Variants in DLG2 observed in about 807,000 individuals in gnomAD.
The protein encoded by DLG2 is disks large homolog 2.
A neutral mutation model predicts 132.5 loss-of-function variants in DLG2; 45 were observed. The ratio of observed to expected loss-of-function variants is 0.34; its 90% confidence interval spans 0.27 to 0.44. DLG2 has a LOEUF of 0.44. Among genes scored for constraint, DLG2 ranks in the 20% least tolerant of loss-of-function variants. DLG2 has a pLI of 1.00. For synonymous variants in DLG2, 424 were observed against 419.6 expected (o/e 1.01, Z -0.13); for missense variants, 1,045 against 1,196.9 (o/e 0.87, Z 1.87).
intron 9 of DLG2, among the ~76,000 whole-genome samples, chr11:84,117,742 T>C (rs2093703134): frequency 6.6e-6 from 1 of 152,236 alleles, no homozygotes. Context: ...TGGGCACCTC[T>C]AACCATGGCT....
intron 11 of DLG2, among the ~76,000 whole-genome samples, chr11:84,056,450 G>A (rs906127022): frequency 6.6e-6 from 1 of 152,058 alleles, no homozygotes; most frequent in South Asian, 2.1e-4. Flanking sequence ...CTCCATTATA[G>A]AGCTGAGTTC....
chr11:85,365,872 G>A (rs935594902), intron 3 of DLG2, among the ~76,000 whole-genome samples: 3 of 152,154 alleles, frequency 2.0e-5, no homozygotes, highest in Admixed American at 2.0e-4. Context: ...TCATAAGTGG[G>A]AGTTGAACAA....
chr11:84,435,947 T>C (rs77118442), intron 7 of DLG2, among the ~76,000 whole-genome samples: 1,820 of 152,198 alleles, frequency 0.012, 33 homozygotes, highest in African/African-American at 0.041. Context: ...CTCTCATCCA[T>C]ACAACTTATA....
chr11:84,751,072 A>C (rs2066049813), intron 6 of DLG2, among the ~76,000 whole-genome samples: 1 of 152,130 alleles, frequency 6.6e-6, no homozygotes, highest in Non-Finnish European at 1.5e-5. Context: ...GAAAAAGAAG[A>C]CAGGTAGCTG....
Position 83,793,392 on chromosome 11 carries a change from C to G in DLG2, c.1723-6600G>C, listed in dbSNP as rs185415229. On this transcript the variant is annotated intron_variant, in intron 17 of 27. Transcript: ENST00000376104. ...ACAAATTACCCATGTTTTCCTGTAGCAAACTATAGTTTAATCTTTAGCCAT... is the reference window on the plus strand; with the variant it reads ...ACAAATTACCCATGTTTTCCTGTAGGAAACTATAGTTTAATCTTTAGCCAT... Among the ~76,000 whole-genome samples, 269 of 152,246 alleles carry G rather than the reference C, an allele frequency of 1.8e-3. 1 individual carries two copies. The highest frequency in any genetic ancestry group is 3.4e-3 in the Non-Finnish European group (229 of 68,000).
At chr11:84,545,152 T>C (rs2099387109) in intron 6 of DLG2, 1 of 450,452 alleles carries the variant, frequency 2.2e-6, no homozygotes, top group South Asian at 1.7e-5. Context: ...GCCACTGCCA[T>C]GGCTAATGCT....
chr11:83,632,089 C>A (rs2063662358), intron 19 of DLG2: 1 of 152,078 alleles, frequency 6.6e-6, no homozygotes, highest in South Asian at 2.1e-4. Flanking sequence ...TCAGGGCTTC[C>A]CTGGAATAAG....
At chr11:85,032,737 A>G (rs915360443) in intron 6 of DLG2, among the ~76,000 whole-genome samples, 3 of 152,224 alleles carry the variant, frequency 2.0e-5, no homozygotes, top group Non-Finnish European at 2.9e-5. Flanking sequence ...TGTTTAGAGA[A>G]AACAAAGAAA....
intron 7 of DLG2, among the ~76,000 whole-genome samples, chr11:84,299,238 G>T (rs191986220): frequency 1.4e-3 from 220 of 152,244 alleles, no homozygotes; most frequent in Non-Finnish European, 2.7e-3. Flanking sequence ...TTCTTTAAAT[G>T]ATTTGAAGTT....
rs556036960 is a variant in DLG2, at chr11:84,342,055, C to CT, written c.520-90765dup. Among the ~76,000 whole-genome samples the CT allele has an allele frequency of 1.9e-3, 282 of 147,552 alleles. 1 individual carries two copies. Among genetic ancestry groups the CT allele is most frequent in the African/African-American group, 3.0e-3 (123 of 40,416 alleles). On this transcript the variant is annotated intron_variant, in intron 7 of 27. Coordinates refer to ENST00000376104, the MANE Select transcript of DLG2 (RefSeq NM_001142699.3). ...ATACAATGTCCTAACCTGGACTTTTCTTTTTTTTTTTAATTTTATTTAGGG... is the reference window on the plus strand; with the variant it reads ...ATACAATGTCCTAACCTGGACTTTTCTTTTTTTTTTTTAATTTTATTTAGGG...
At chr11:84,180,198 G>A (rs181783430) in intron 8 of DLG2, among the ~76,000 whole-genome samples, 39 of 152,140 alleles carry the variant, frequency 2.6e-4, no homozygotes, top group African/African-American at 8.9e-4. Context: ...TTCTAGGAAG[G>A]AATAAAAATG....
In DLG2 at chr11:83,842,527, A is replaced by C. The variant is rs77158650; in HGVS notation, c.1566-8757T>G. On this transcript the variant is annotated intron_variant, in intron 16 of 27. Transcript: ENST00000376104. ...GAGAATCGCTTGAACCTGTCTCAAA[A>C]AAAAAAAAAAAAAAAAAAAGGCCGG... is the stretch of plus-strand genomic sequence containing the variant. Among the ~76,000 whole-genome samples, 1,064 of 127,058 alleles carry C rather than the reference A, an allele frequency of 8.4e-3. 13 individuals carry two copies. Among genetic ancestry groups the C allele is most frequent in the African/African-American group, 0.028 (986 of 35,708 alleles). The allele number at this position is 127,058 out of a possible 152,430, so 83.4% of individuals were successfully genotyped here.
intron 22 of DLG2, among the ~76,000 whole-genome samples, chr11:83,479,321 T>C (rs868576306): frequency 3.3e-4 from 50 of 152,140 alleles, no homozygotes; most frequent in African/African-American, 1.2e-3. Flanking sequence ...GTTGTACCAC[T>C]GTTTGGCCTT....
chr11:84,263,516 C>T (rs2097573645), intron 7 of DLG2, among the ~76,000 whole-genome samples: 2 of 151,922 alleles, frequency 1.3e-5, no homozygotes, highest in South Asian at 4.1e-4. Flanking sequence ...ATTTTCTGGC[C>T]TAAGAACTAT....
chr11:85,453,410 T>G (rs1480793175), intron 3 of DLG2: 1 of 175,296 alleles, frequency 5.7e-6, no homozygotes, highest in East Asian at 1.4e-4. Flanking sequence ...ATTCCAGGAT[T>G]GGAATACTGA....
chr11:84,326,082 A>G (rs534416110), intron 7 of DLG2, among the ~76,000 whole-genome samples: 2 of 152,150 alleles, frequency 1.3e-5, no homozygotes, highest in South Asian at 4.1e-4. Flanking sequence ...ACCAGTAGTA[A>G]CATAACTTCT....
At chr11:83,765,463 G>C (rs17146036) in intron 18 of DLG2, among the ~76,000 whole-genome samples, 43,228 of 152,084 alleles carry the variant, frequency 0.28, 7,901 homozygotes, top group African/African-American at 0.52. Flanking sequence ...TCTGGCTCTT[G>C]ATTGTTGTTT....
In DLG2 at chr11:84,090,414, C is replaced by CAAAA. The variant is rs397848695; in HGVS notation, c.749+8505_749+8508dup. Among the ~76,000 whole-genome samples the CAAAA allele has an allele frequency of 1.4e-3, 106 of 78,518 alleles. 1 individual carries two copies. The highest frequency in any genetic ancestry group is 2.0e-3 in the African/African-American group (40 of 20,202). The allele number at this position is 78,518 out of a possible 152,430, so 51.5% of individuals were successfully genotyped here. A position where few individuals can be genotyped will look rare whatever the true frequency, so the allele number is the denominator to read the frequency against. On this transcript the variant is annotated intron_variant, in intron 10 of 27. Coordinates refer to ENST00000376104, the MANE Select transcript of DLG2 (RefSeq NM_001142699.3). Reference sequence around the variant, plus strand: ...GGGTGACAAGAGTGAGATTTCATCTCAAAAAAAAAAAAAAAAAAAAAAGAT... The same window carrying CAAAA: ...GGGTGACAAGAGTGAGATTTCATCTCAAAAAAAAAAAAAAAAAAAAAAAAAAGAT...
At chr11:85,026,287 A>G (rs1315487639) in intron 6 of DLG2, among the ~76,000 whole-genome samples, 1 of 152,200 alleles carries the variant, frequency 6.6e-6, no homozygotes, top group Non-Finnish European at 1.5e-5. Flanking sequence ...AGAAAATGGT[A>G]ATTTAAAAAA....
Sources: allele counts gnomAD v4.1 joint callset (sites outside exome capture counted in the v4.1 genomes callset), GRCh38; gene constraint gnomAD v4.1.1; transcripts MANE v1.5; gene names NCBI Gene and HGNC (gene_info 2026-07-23, HGNC 2026-07-21).